KDM2B: variants seen among roughly 807,000 people sequenced by gnomAD.
KDM2B encodes lysine demethylase 2B, also known as lysine-specific demethylase 2B.
In KDM2B, 26 loss-of-function variants were observed where a neutral mutation model predicts 150.0. The ratio of observed to expected loss-of-function variants is 0.17; its 90% CI spans 0.13 to 0.24. KDM2B has a LOEUF of 0.24. Ranked by LOEUF, KDM2B falls within the 10% of genes least tolerant of loss-of-function variation. The pLI is 1.00. For synonymous variants in KDM2B, 734 were observed against 729.5 expected, an observed-to-expected ratio of 1.01 and a Z score of -0.10; for missense variants, 1,265 against 1,816.9, an observed-to-expected ratio of 0.70 and a Z score of 5.52.
intron 8 of KDM2B, among the ~76,000 whole-genome samples, chr12:121,528,734 A>T (rs1887374776): frequency 2.0e-5 from 3 of 151,962 alleles, no homozygotes. Flanking sequence ...CTCTACTAAA[A>T]ATACAAAAAT....
In KDM2B at chr12:121,492,450, G is replaced by A. The variant is rs575453525; in HGVS notation, c.1734+2129C>T. Among the ~76,000 whole-genome samples the A allele has an allele frequency of 2.1e-4, 32 of 151,758 alleles. No individual in the cohort carries two copies. In the South Asian group the frequency reaches 4.0e-3, roughly 19 times the overall value. On this transcript the variant is annotated intron_variant, in intron 12 of 22. Coordinates refer to ENST00000377071, the MANE Select transcript of KDM2B (RefSeq NM_032590.5). ...AGCCTCCTGAGTAGCTGGGATTACAGGCGCGTGCCACCATGCCCAGTTAAT... is the reference window on the plus strand; with the variant it reads ...AGCCTCCTGAGTAGCTGGGATTACAAGCGCGTGCCACCATGCCCAGTTAAT...
intron 8 of KDM2B, among the ~76,000 whole-genome samples, chr12:121,531,361 T>A (rs1209895574): frequency 3.3e-5 from 5 of 152,150 alleles, no homozygotes; most frequent in African/African-American, 1.2e-4. Flanking sequence ...GGAGGCCCCA[T>A]CCCCATAGCA....
At chr12:121,416,194 G>T in the KDM2B span, 1 of 1,614,110 alleles carries the variant, frequency 6.2e-7, no homozygotes, top group Non-Finnish European at 8.5e-7. Flanking sequence ...CGTGCTGTGG[G>T]CTGCTGAATG....
chr12:121,549,715 C>A lies in KDM2B; in HGVS notation c.398-77G>T. ...TCCTACATGGGAGCCCCTCACTAAA[C>A]AAAAGCTGCTCCTCCACGTTTCCCC... is the stretch of plus-strand genomic sequence containing the variant. On this transcript the variant is annotated intron_variant, in intron 4 of 22. Transcript: ENST00000377071. The surrounding 1 kb of genome is among the most constrained non-coding windows in gnomAD (Gnocchi z 4.4). The A allele has an allele frequency of 5.9e-6, 8 of 1,356,154 alleles. No individual in the cohort carries two copies. Among genetic ancestry groups the A allele is most frequent in the Non-Finnish European group, 8.0e-6 (8 of 994,996 alleles). 84.0% of individuals were successfully genotyped at this position (1,356,154 alleles called of 1,614,324 possible). A position where few individuals can be genotyped will look rare whatever the true frequency, so the allele number is the denominator to read the frequency against.
rs151307285 is a variant in KDM2B at position 121,489,443 on chromosome 12, C to G, written c.1734+5136G>C. The stretch of plus-strand genomic sequence containing the variant: ...AGCCACCGCACCCGCCCCTGAGAAG[C>G]TTTTATTTTTTAATGAGACCAAGAC... On this transcript the variant is annotated intron_variant, in intron 12 of 22. Transcript: ENST00000377071. Among the ~76,000 whole-genome samples the G allele has an allele frequency of 7.8e-4, 118 of 151,050 alleles. 2 individuals carry two copies. The East Asian group carries it at 0.013, about 16-fold the overall frequency.
chr12:121,448,747 C>T (rs1876726629), intron 13 of KDM2B, among the ~76,000 whole-genome samples: 1 of 152,208 alleles, frequency 6.6e-6, no homozygotes, highest in African/African-American at 2.4e-5. Flanking sequence ...ATCGTTCCTT[C>T]CACAAATACC....
chr12:121,429,991 G>T lies in KDM2B; in HGVS notation c.*297C>A. 1.2e-6 allele frequency: 1 copy of T among 850,306 alleles called. No individual in the cohort carries two copies. The highest frequency in any genetic ancestry group is 2.0e-6 in the Non-Finnish European group (1 of 496,020). The allele number at this position is 850,306 out of a possible 1,614,324, so 52.7% of individuals were successfully genotyped here. On this transcript the variant is annotated 3_prime_UTR_variant, in exon 23 of 23. Coordinates refer to ENST00000377071, the MANE Select transcript of KDM2B (RefSeq NM_032590.5). Reference sequence around the variant, plus strand: ...CAGAAACTCCTAAGCTCATGCTTCAGTATGAGAATTTCTCCGAAGTCCACC... The same window carrying T: ...CAGAAACTCCTAAGCTCATGCTTCATTATGAGAATTTCTCCGAAGTCCACC...
At chr12:121,582,064 A>T (rs575443857), upstream of KDM2B, among the ~76,000 whole-genome samples, 2 of 152,338 alleles carry the variant, frequency 1.3e-5, no homozygotes, top group South Asian at 2.1e-4. Flanking sequence ...TGCTGCGTGC[A>T]ATCAGTAGCC....
At chr12:121,416,269 C>G in the KDM2B span, 1 of 1,614,098 alleles carries the variant, frequency 6.2e-7, no homozygotes, top group Non-Finnish European at 8.5e-7. Context: ...CCGGTCCATT[C>G]AGATTTACAC....
intron 12 of KDM2B, among the ~76,000 whole-genome samples, chr12:121,463,512 AAT>A (rs1879402441): frequency 1.3e-5 from 2 of 152,286 alleles, no homozygotes; most frequent in African/African-American, 4.8e-5. Context: ...TGACCACATA[AAT>A]TTCTGAGAGA....
At chr12:121,580,165 CA>C in intron 1 of KDM2B, 1 of 1,461,618 alleles carries the variant, frequency 6.8e-7, no homozygotes, top group Non-Finnish European at 9.0e-7. Flanking sequence ...ATAAATAAAG[CA>C]AGCCAGAGCC....
chr12:121,413,048 C>T, the KDM2B span, among the ~76,000 whole-genome samples: 5 of 147,766 alleles, frequency 3.4e-5, no homozygotes, highest in South Asian at 1.1e-3. Flanking sequence ...CTTTTCGAGG[C>T]AGAGTCTCAC....
At chr12:121,409,168 C>T in the KDM2B span, among the ~76,000 whole-genome samples, 2 of 152,000 alleles carry the variant, frequency 1.3e-5, no homozygotes, top group Non-Finnish European at 2.9e-5. Context: ...TTAGTAGAGA[C>T]GGGGTTTTAC....
At chr12:121,563,328 C>T (rs1020163164) in intron 4 of KDM2B, among the ~76,000 whole-genome samples, 6 of 151,998 alleles carry the variant, frequency 3.9e-5, no homozygotes, top group African/African-American at 7.3e-5. Context: ...AAAAGAAGGC[C>T]GGGCTCGATG....
intron 9 of KDM2B, chr12:121,516,263 G>C (rs1555304971): frequency 3.1e-6 from 1 of 320,774 alleles, no homozygotes; most frequent in Non-Finnish European, 6.0e-6. Context: ...GACCACCTGG[G>C]AATCTTTCTA....
intron 1 of KDM2B, 80 bp downstream of exon 1, chr12:121,580,706 C>A (rs986446319): frequency 4.9e-6 from 7 of 1,443,082 alleles, no homozygotes; most frequent in Non-Finnish European, 6.5e-6. Flanking sequence ...CCAAAAACGA[C>A]CCCCCACCTC....
intron 4 of KDM2B, among the ~76,000 whole-genome samples, chr12:121,564,894 T>A (rs1890588977): frequency 6.6e-6 from 1 of 152,068 alleles, no homozygotes; most frequent in South Asian, 2.1e-4. Flanking sequence ...AGTGGCATGA[T>A]CTTGGCTCAC....
At chr12:121,441,585 C>CGCCA (rs778862604) in intron 19 of KDM2B, among the ~76,000 whole-genome samples, 1 of 152,184 alleles carries the variant, frequency 6.6e-6, no homozygotes, top group Non-Finnish European at 1.5e-5. Context: ...TACAGGTGTG[C>CGCCA]GCCACCACAC....
intron 12 of KDM2B, among the ~76,000 whole-genome samples, chr12:121,490,016 A>T (rs1593927216): frequency 6.6e-6 from 1 of 152,164 alleles, no homozygotes; most frequent in Non-Finnish European, 1.5e-5. Context: ...CAGGACTGAG[A>T]GCGGGGCAGG....
Sources: gnomAD v4.1 joint callset for allele counts (sites outside exome capture counted in the v4.1 genomes callset) on GRCh38, gnomAD v4.1.1 for gene constraint, Gnocchi (gnomAD v3.1) non-coding constraint, MANE v1.5 for transcripts, NCBI Gene and HGNC (gene_info 2026-07-23, HGNC 2026-07-21) for gene names.